Variants in PPM1L observed in about 807,000 individuals in gnomAD.
PPM1L encodes the protein protein phosphatase 1L.
PPM1L carries 13 observed loss-of-function variants against 31.4 expected under a neutral mutation model. The ratio of observed to expected loss-of-function variants is 0.41; its 90% confidence interval spans 0.27 to 0.66. The LOEUF is 0.66. PPM1L is among the 30% of genes least tolerant of loss of function. The pLI is 0.29. For missense variants in PPM1L, 326 were observed against 453.7 expected (o/e 0.72, Z 2.56); for synonymous variants, 184 against 175.4 (o/e 1.05, Z -0.39).
At chr3:161,025,426 G>C (rs1559928780) in intron 2 of PPM1L, among the ~76,000 whole-genome samples, 1 of 152,010 alleles carries the variant, frequency 6.6e-6, no homozygotes, top group Non-Finnish European at 1.5e-5. Context: ...AAATAAATTA[G>C]CCCGGCATGG....
In PPM1L at chr3:160,908,497, C is replaced by T. The variant is rs146981274; in HGVS notation, c.400-53239C>T. Among the ~76,000 whole-genome samples, 843 of 152,176 alleles carry T rather than the reference C, an allele frequency of 5.5e-3. 9 individuals are homozygous for T. Among genetic ancestry groups the T allele is most frequent in the African/African-American group, 0.02 (812 of 41,498 alleles). ...AAAGTCTACTTGAGAGAAGTTGACA[C>T]TATATGTAGTCTGCTTATTACTACT... On this transcript the variant is annotated intron_variant, in intron 1 of 3. Transcript: ENST00000498165.
At position 160,854,081 on chromosome 3, in the gene PPM1L, G is replaced by T. The variant is rs369823066; in HGVS notation, c.399+97374G>T. 5.9e-5 allele frequency among the ~76,000 whole-genome samples: 9 copies of T among 152,190 alleles called. No homozygotes were observed. The East Asian group carries it at 1.5e-3, about 26-fold the overall frequency. ...TCAGGTGTTCTTGGCATGCCAGGCAGGTGGTACCCAGTTATTTAGAGAGAT... is the reference window on the plus strand; with the variant it reads ...TCAGGTGTTCTTGGCATGCCAGGCATGTGGTACCCAGTTATTTAGAGAGAT... On this transcript the variant is annotated intron_variant, in intron 1 of 3. Transcript: ENST00000498165.
intron 1 of PPM1L, among the ~76,000 whole-genome samples, chr3:160,840,775 A>G (rs1424514467): frequency 6.7e-6 from 1 of 149,822 alleles, no homozygotes; most frequent in Non-Finnish European, 1.5e-5. Flanking sequence ...AGAGAGAGAA[A>G]GAGAGAGAGA....
chr3:160,865,914 G>T (rs1305270106), intron 1 of PPM1L, among the ~76,000 whole-genome samples: 1 of 152,138 alleles, frequency 6.6e-6, no homozygotes, highest in Non-Finnish European at 1.5e-5. Context: ...ATTTATAGTA[G>T]GTTATTAAAA....
At chr3:160,956,783 C>T (rs1715789161) in intron 1 of PPM1L, among the ~76,000 whole-genome samples, 1 of 152,212 alleles carries the variant, frequency 6.6e-6, no homozygotes, top group Non-Finnish European at 1.5e-5. Flanking sequence ...GAAAACCAGA[C>T]TTTTATTCTC....
intron 2 of PPM1L, among the ~76,000 whole-genome samples, chr3:160,988,309 G>GA (rs904265164): frequency 1.3e-4 from 19 of 150,608 alleles, no homozygotes; most frequent in African/African-American, 3.2e-4. Flanking sequence ...TATGAGAAAA[G>GA]AAAAAAAAAT....
chr3:160,808,433 G>T (rs1712706455), intron 1 of PPM1L, among the ~76,000 whole-genome samples: 2 of 150,878 alleles, frequency 1.3e-5, no homozygotes, highest in Admixed American at 6.6e-5. Flanking sequence ...GGTGGGTGAG[G>T]GAAGCTGGGC....
intron 1 of PPM1L, among the ~76,000 whole-genome samples, chr3:160,794,394 C>G (rs1293609070): frequency 6.6e-6 from 1 of 152,090 alleles, no homozygotes; most frequent in Non-Finnish European, 1.5e-5. Context: ...AATAGCTCTC[C>G]TCATGATAAA....
At chr3:160,971,773 T>C (rs1009028611) in intron 2 of PPM1L, among the ~76,000 whole-genome samples, 1 of 152,188 alleles carries the variant, frequency 6.6e-6, no homozygotes, top group African/African-American at 2.4e-5. Flanking sequence ...CCACATTCTT[T>C]TTTTTATTGA....
At chr3:160,936,979 T>G (rs1295253611) in intron 1 of PPM1L, among the ~76,000 whole-genome samples, 2 of 152,226 alleles carry the variant, frequency 1.3e-5, no homozygotes, top group Non-Finnish European at 2.9e-5. Context: ...TTTAGTTTAA[T>G]TGAGAGAATA....
intron 1 of PPM1L, among the ~76,000 whole-genome samples, chr3:160,829,580 C>T (rs140947339): frequency 2.0e-5 from 3 of 152,306 alleles, no homozygotes; most frequent in Non-Finnish European, 4.4e-5. Flanking sequence ...ACTCTTTTCT[C>T]ATCCACCTTT....
chr3:160,962,887 C>G (rs1351819038), intron 2 of PPM1L, among the ~76,000 whole-genome samples: 1 of 151,918 alleles, frequency 6.6e-6, no homozygotes, highest in Non-Finnish European at 1.5e-5. Flanking sequence ...GTATATTCCA[C>G]CCTCTAACCC....
intron 1 of PPM1L, among the ~76,000 whole-genome samples, chr3:160,936,328 T>G (rs1407580314): frequency 6.6e-6 from 1 of 152,134 alleles, no homozygotes; most frequent in Non-Finnish European, 1.5e-5. Context: ...CCTAACCTCG[T>G]GATCCACCCA....
chr3:160,963,280 C>T (rs974050541), intron 2 of PPM1L, among the ~76,000 whole-genome samples: 3 of 152,052 alleles, frequency 2.0e-5, no homozygotes, highest in Non-Finnish European at 4.4e-5. Flanking sequence ...TTCCTAATTA[C>T]TAATCAAGCT....
intron 1 of PPM1L, among the ~76,000 whole-genome samples, chr3:160,903,758 T>C (rs1713646671): frequency 6.6e-6 from 1 of 152,020 alleles, no homozygotes; most frequent in Non-Finnish European, 1.5e-5. Flanking sequence ...GGGATAAAGG[T>C]GGATAAGTTA....
chr3:160,848,507 A>G (rs1317756652), intron 1 of PPM1L, among the ~76,000 whole-genome samples: 1 of 152,138 alleles, frequency 6.6e-6, no homozygotes, highest in African/African-American at 2.4e-5. Context: ...TATATCAACT[A>G]TTACATGTCA....
intron 3 of PPM1L, among the ~76,000 whole-genome samples, chr3:161,066,083 A>C (rs751232413): frequency 6.6e-6 from 1 of 152,156 alleles, no homozygotes; most frequent in Non-Finnish European, 1.5e-5. Context: ...GTCTTGGGTC[A>C]CCTTTTACAA....
At chr3:161,062,120 T>C (rs1719590088) in intron 2 of PPM1L, among the ~76,000 whole-genome samples, 1 of 151,424 alleles carries the variant, frequency 6.6e-6, no homozygotes, top group Admixed American at 6.6e-5. Context: ...TCATTGTCTG[T>C]TCTGTGTCTC....
chr3:160,823,292 C>T (rs922846277), intron 1 of PPM1L, among the ~76,000 whole-genome samples: 23 of 151,110 alleles, frequency 1.5e-4, no homozygotes, highest in African/African-American at 5.3e-4. Context: ...AGAGAATTTT[C>T]AAAAATAGTT....
Sources: gnomAD v4.1 joint callset for allele counts (sites outside exome capture counted in the v4.1 genomes callset) on GRCh38, gnomAD v4.1.1 for gene constraint, MANE v1.5 for transcripts, NCBI Gene and HGNC (gene_info 2026-07-23, HGNC 2026-07-21) for gene names.